The following FAM114A2 variants were observed in gnomAD, a reference collection of about 807,000 sequenced individuals.
The protein encoded by FAM114A2 is protein FAM114A2.
Under a neutral mutation model 58.4 loss-of-function variants are expected in FAM114A2, and 53 were observed. The observed-to-expected ratio is 0.91, with a 90% confidence interval of 0.73 to 1.14. The LOEUF (loss-of-function observed/expected upper bound fraction) is 1.14. Ranked by LOEUF, FAM114A2 falls within the 50% of genes most tolerant of loss-of-function variation. The probability of loss-of-function intolerance (pLI) is 0.00; values close to 1 mark genes in which losing one functional copy is unlikely to be tolerated. For synonymous variants in FAM114A2, 228 were observed against 211.4 expected (o/e 1.08, Z -0.68); for missense variants, 601 against 581.1 (o/e 1.03, Z -0.35).
chr5:154,034,517 T>A, intron 2 of FAM114A2, 140 bp from the exon 3 acceptor site: 1 of 642,368 alleles, frequency 1.6e-6, no homozygotes, highest in Admixed American at 3.0e-5. Context: ...TAAAGAAATG[T>A]ATTGCTTGAC....
At chr5:154,029,452 T>C (rs754295205) in intron 5 of FAM114A2, 37 bp downstream of exon 5, 2 of 1,102,438 alleles carry the variant, frequency 1.8e-6, no homozygotes, top group Admixed American at 3.4e-5. Context: ...ATTATAATAA[T>C]GGAAAGGAAC....
chr5:154,027,467 C>T, intron 6 of FAM114A2, 133 bp from the exon 7 acceptor site: 1 of 618,930 alleles, frequency 1.6e-6, no homozygotes, highest in Non-Finnish European at 2.6e-6. Flanking sequence ...CACTGCTATT[C>T]AAATCTGGTG....
intron 9 of FAM114A2, among the ~76,000 whole-genome samples, chr5:154,008,465 C>T (rs1770485457): frequency 6.6e-6 from 1 of 152,004 alleles, no homozygotes; most frequent in African/African-American, 2.4e-5. Flanking sequence ...TTTTGAGTGC[C>T]AACATGATGC....
At position 153,992,463 on chromosome 5, in the gene FAM114A2, T is replaced by C. The variant is rs1769297897; in HGVS notation, c.*513A>G. On this transcript the variant is annotated 3_prime_UTR_variant, in exon 14 of 14. Transcript: ENST00000351797. The stretch of plus-strand genomic sequence containing the variant: ...TTTCTATTTCCAAGAATTCATGTGA[T>C]AAAGGGTAATCATCACAGAGTTTAC... 1 of 152,278 alleles carries C rather than the reference T, an allele frequency of 6.6e-6. No homozygotes were observed. The highest frequency in any genetic ancestry group is 1.5e-5 in the Non-Finnish European group (1 of 68,070). 9.4% of individuals were successfully genotyped at this position (152,278 alleles called of 1,614,324 possible).
chr5:153,996,195 A>T (rs529962922), intron 12 of FAM114A2, among the ~76,000 whole-genome samples: 31 of 152,356 alleles, frequency 2.0e-4, no homozygotes, highest in African/African-American at 6.7e-4. Context: ...GCATTTGGAT[A>T]AACATACAAA....
chr5:154,035,735 T>C (rs1261269816), intron 1 of FAM114A2, among the ~76,000 whole-genome samples: 1 of 152,194 alleles, frequency 6.6e-6, no homozygotes, highest in Non-Finnish European at 1.5e-5. Flanking sequence ...TATGGTTAAG[T>C]TCATGTTTAG....
rs1390299202 is a variant in FAM114A2, at chr5:153,993,087, G to GAT, written c.1405_1406dup (p.Gln470SerfsTer12). On this transcript the variant is annotated frameshift_variant, in exon 14 of 14. Coordinates refer to ENST00000351797, the MANE Select transcript of FAM114A2 (RefSeq NM_018691.4). LOFTEE classifies it high-confidence loss of function. ...GTAAGAGTAGCTGAAAGGCGTCCTG[G>GAT]ATGTAGGAGGCACTGTTTGATGCCT... 6.2e-7 allele frequency: 1 copy of GAT among 1,611,268 alleles called. No individual in the cohort carries two copies. Among genetic ancestry groups the GAT allele is most frequent in the South Asian group, 1.1e-5 (1 of 90,652 alleles).
intron 8 of FAM114A2, among the ~76,000 whole-genome samples, chr5:154,024,698 T>C (rs923904126): frequency 2.0e-5 from 3 of 152,202 alleles, no homozygotes; most frequent in African/African-American, 7.2e-5. Context: ...TATTGCAGTA[T>C]ACCTGAAACC....
In FAM114A2 at chr5:153,990,633, A is replaced by G. The variant is rs1224407391; in HGVS notation, c.*2343T>C. On this transcript the variant is annotated 3_prime_UTR_variant, in exon 14 of 14. Coordinates refer to ENST00000351797, the MANE Select transcript of FAM114A2 (RefSeq NM_018691.4). Reference sequence around the variant, plus strand: ...TCTACTTCTTTCAGATCAAATTAATAAAGTCTCTCTTAATCACAGCCTTTT... The same window carrying G: ...TCTACTTCTTTCAGATCAAATTAATGAAGTCTCTCTTAATCACAGCCTTTT... 8 of 152,194 alleles carry G rather than the reference A, an allele frequency of 5.3e-5. No individual in the cohort carries two copies. Among genetic ancestry groups the G allele is most frequent in the African/African-American group, 1.7e-4 (7 of 41,450 alleles). 9.4% of individuals were successfully genotyped at this position (152,194 alleles called of 1,614,324 possible).
chr5:154,010,275 C>T (rs943699198), intron 9 of FAM114A2, among the ~76,000 whole-genome samples: 1 of 152,132 alleles, frequency 6.6e-6, no homozygotes, highest in East Asian at 1.9e-4. Flanking sequence ...TTGTGCTACT[C>T]TTGTAACTTT....
Position 153,994,937 on chromosome 5 carries a change from GATTAATGGGT to G in FAM114A2, c.1355_1364del (p.Asn452ThrfsTer6). The G allele has an allele frequency of 6.2e-7, 1 of 1,606,802 alleles. No individual in the cohort carries two copies. On this transcript the variant is annotated frameshift_variant, in exon 13 of 14. Coordinates refer to ENST00000351797, the MANE Select transcript of FAM114A2 (RefSeq NM_018691.4). LOFTEE classifies it high-confidence loss of function. The stretch of plus-strand genomic sequence containing the variant: ...TACTAACCTCTAGAAATACTGCAGT[GATTAATGGGT>G]TAAGGACATCTGCCATTTCTTTGAC...
At chr5:154,009,682 G>A (rs1770568724) in intron 9 of FAM114A2, among the ~76,000 whole-genome samples, 1 of 152,110 alleles carries the variant, frequency 6.6e-6, no homozygotes, top group Admixed American at 6.6e-5. Flanking sequence ...GTGATACCCT[G>A]GGCAGGACAC....
At chr5:154,023,250 C>T (rs972891175) in intron 8 of FAM114A2, among the ~76,000 whole-genome samples, 23 of 152,136 alleles carry the variant, frequency 1.5e-4, no homozygotes, top group Admixed American at 7.8e-4. Context: ...CAGGCCTGCA[C>T]GTTGTGCACA....
chr5:154,006,187 T>A (rs751549), intron 9 of FAM114A2, among the ~76,000 whole-genome samples: 99,230 of 152,104 alleles, frequency 0.65, 32,737 homozygotes, highest in East Asian at 0.88. Flanking sequence ...TATAGGATAC[T>A]GGCATTTTAC....
In FAM114A2 at chr5:154,026,434, G is replaced by T; in HGVS notation, c.878C>A (p.Ala293Glu). ...TTCTTCCTCTTCTTCACAAAATTCT[G>T]CTAGAGAAAATGTTTCTTTGAGTTG... ...LEQLKETFSLAEFCEEEEEEK... is the reference protein window; with the variant it reads ...LEQLKETFSLEEFCEEEEEEK... The change falls in exon 8 of 14, where the codon GCA (alanine) becomes GAA (glutamate). Residue 293 changes from alanine (A) to glutamate (E), a missense_variant. Ala to Glu is a moderately radical substitution (Grantham distance 107). Transcript: ENST00000351797. The T allele has an allele frequency of 6.3e-7, 1 of 1,577,846 alleles. No individual in the cohort carries two copies. Among genetic ancestry groups the T allele is most frequent in the South Asian group, 1.2e-5 (1 of 84,614 alleles).
chr5:154,030,596 T>C (rs1420263112), intron 4 of FAM114A2, among the ~76,000 whole-genome samples: 1 of 152,212 alleles, frequency 6.6e-6, no homozygotes, highest in South Asian at 2.1e-4. Flanking sequence ...GAAACCCAAG[T>C]AGGGCATGGC....
chr5:154,034,825 T>C lies in FAM114A2; in HGVS notation c.129A>G (p.Ser43=). 6.2e-7 allele frequency: 1 copy of C among 1,614,076 alleles called. No homozygotes were observed. The highest frequency in any genetic ancestry group is 8.5e-7 in the Non-Finnish European group (1 of 1,179,916). ...TTTTCCGAGTGGAAACTACAGGTTCTGATTTACTCTCTGGTTTGGCACCTT... is the reference window on the plus strand; with the variant it reads ...TTTTCCGAGTGGAAACTACAGGTTCCGATTTACTCTCTGGTTTGGCACCTT... The part of the protein sequence containing the change: ...VDQGAKPESK[S]EPVVSTRKRP... The change falls in exon 2 of 14, where the codon TCA becomes TCG. Residue 43 remains serine, a synonymous_variant. Transcript: ENST00000351797.
Position 154,033,807 on chromosome 5 carries a change from T to G in FAM114A2, c.387A>C (p.Glu129Asp). ...GIPGPSEISTEVKYVAGETNA... is the reference protein window; with the variant it reads ...GIPGPSEISTDVKYVAGETNA... ...TATACTGACCTGCTACATACTTGAC[T>G]TCAGTTGAAATTTCACTGGGACCAG... The change falls in exon 4 of 14, where the codon GAA (glutamate) becomes GAC (aspartate). Residue 129 changes from glutamate (E) to aspartate (D), a missense_variant. Glu to Asp is a conservative substitution (Grantham distance 45). Transcript: ENST00000351797. 6.3e-7 allele frequency: 1 copy of G among 1,595,944 alleles called. No individual in the cohort carries two copies. The highest frequency in any genetic ancestry group is 8.6e-7 in the Non-Finnish European group (1 of 1,164,156).
At chr5:154,005,374 G>A (rs1770284256) in intron 9 of FAM114A2, among the ~76,000 whole-genome samples, 1 of 152,108 alleles carries the variant, frequency 6.6e-6, no homozygotes, top group Non-Finnish European at 1.5e-5. Context: ...GTGGTGCATA[G>A]ATTAAAAAGT....
Sources: allele counts gnomAD v4.1 joint callset (sites outside exome capture counted in the v4.1 genomes callset), GRCh38; gene constraint gnomAD v4.1.1; transcripts MANE v1.5; gene names NCBI Gene and HGNC (gene_info 2026-07-23, HGNC 2026-07-21).